PLEKHG4B: variants seen among roughly 807,000 people sequenced by gnomAD.
PLEKHG4B encodes the protein pleckstrin homology domain-containing family G member 4B.
Under a neutral mutation model 121.3 loss-of-function variants are expected in PLEKHG4B, and 111 were observed. The observed-to-expected ratio is 0.92, with a 90% confidence interval of 0.78 to 1.07. PLEKHG4B has a LOEUF of 1.07. PLEKHG4B is among the 50% of genes least tolerant of loss of function. The pLI, the probability that PLEKHG4B is intolerant of heterozygous loss-of-function variation, is 0.00. For missense variants in PLEKHG4B, 1,831 were observed against 1,757.8 expected (o/e 1.04, Z -0.74); for synonymous variants, 738 against 725.0 (o/e 1.02, Z -0.29).
In PLEKHG4B at chr5:182,208, A is replaced by G. The variant is rs150273465; in HGVS notation, c.4769A>G (p.Asp1590Gly). 6.2e-7 allele frequency: 1 copy of G among 1,613,876 alleles called. No individual in the cohort carries two copies. Among genetic ancestry groups the G allele is most frequent in the Non-Finnish European group, 8.5e-7 (1 of 1,180,040 alleles). ...WSPAHSPWSS[D>G]IRACVEEDEP... ...CCTGCCCACAGCCCCTGGTCATCTGATATCAGAGCCTGCGTCGAGGAAGAT... is the reference window on the plus strand; with the variant it reads ...CCTGCCCACAGCCCCTGGTCATCTGGTATCAGAGCCTGCGTCGAGGAAGAT... The change falls in exon 20 of 20, where the codon GAT (aspartate) becomes GGT (glycine). Residue 1590 changes from aspartate to glycine, a missense_variant. By Grantham distance (94) the Asp-to-Gly change is moderately conservative (BLOSUM62 -1). Coordinates refer to ENST00000637938, the MANE Select transcript of PLEKHG4B (RefSeq NM_052909.5).
rs753291921 is a variant in PLEKHG4B at position 143,141 on chromosome 5, A to G, written c.1572A>G (p.Pro524=). 5.6e-6 allele frequency: 9 copies of G among 1,612,528 alleles called. No individual in the cohort carries two copies. The highest frequency in any genetic ancestry group is 6.8e-6 in the Non-Finnish European group (8 of 1,180,008). The part of the protein sequence containing the change: ...SGPSDVPARQ[P]HPEQEGWPPG... The stretch of plus-strand genomic sequence containing the variant: ...CTTCCGATGTGCCTGCCCGGCAGCC[A>G]CACCCCGAGCAAGAAGGGTGGCCAC... The change falls in exon 4 of 20, where the codon CCA becomes CCG. Residue 524 remains proline (P), a synonymous_variant. Transcript: ENST00000637938.
chr5:125,246 G>A (rs1403535989), intron 2 of PLEKHG4B, among the ~76,000 whole-genome samples: 1 of 152,158 alleles, frequency 6.6e-6, no homozygotes, highest in Non-Finnish European at 1.5e-5. Context: ...TGTATGTGCT[G>A]TATAGCTTTT....
chr5:180,182 T>G (rs948504896), intron 18 of PLEKHG4B, among the ~76,000 whole-genome samples: 3 of 152,296 alleles, frequency 2.0e-5, no homozygotes, highest in South Asian at 4.1e-4. Flanking sequence ...CGGGCTGGTG[T>G]CTTCACCTCC....
At chr5:174,158 C>T (rs1391538092) in intron 18 of PLEKHG4B, 60 bp downstream of exon 18, 11 of 237,128 alleles carry the variant, frequency 4.6e-5, no homozygotes, top group Admixed American at 8.7e-5. Context: ...GGGCAGGGGT[C>T]GGGGCTGGGA....
intron 14 of PLEKHG4B, 131 bp downstream of exon 14, chr5:169,723 A>C: frequency 7.3e-7 from 1 of 1,375,292 alleles, no homozygotes; most frequent in South Asian, 1.4e-5. Context: ...GCTGGTCCTG[A>C]CAGGATGTTA....
rs1560887949 is a variant in PLEKHG4B at position 92,430 on chromosome 5, CGGACGCG to C, written c.45+158_45+164del. ...GGTAGGGGTGGGGTGGGGGCGCGAG[CGGACGCG>C]GGAGTAGGGGCGGGTGGGGGCGCCG... On this transcript the variant is annotated intron_variant, in intron 1 of 19. Coordinates refer to ENST00000637938, the MANE Select transcript of PLEKHG4B (RefSeq NM_052909.5). 7.3e-3 allele frequency among the ~76,000 whole-genome samples: 60 copies of C among 8,164 alleles called. 2 individuals carry two copies. The highest frequency in any genetic ancestry group is 0.026 in the African/African-American group (48 of 1,862). The allele number at this position is 8,164 out of a possible 152,430, so 5.4% of individuals were successfully genotyped here. A position where few individuals can be genotyped will look rare whatever the true frequency, so the allele number is the denominator to read the frequency against.
At chr5:173,526 C>T (rs1343469507) in intron 17 of PLEKHG4B, among the ~76,000 whole-genome samples, 1 of 152,148 alleles carries the variant, frequency 6.6e-6, no homozygotes, top group East Asian at 1.9e-4. Flanking sequence ...AGCAGCCTCA[C>T]AGACTCATGC....
intron 13 of PLEKHG4B, among the ~76,000 whole-genome samples, chr5:166,502 C>A (rs62344149): frequency 3.5e-5 from 1 of 28,918 alleles, no homozygotes; most frequent in South Asian, 1.2e-3. Flanking sequence ...TCACAGTAAT[C>A]TTCTGACGGG....
chr5:92,598 C>A (rs1208090962), intron 1 of PLEKHG4B, among the ~76,000 whole-genome samples: 1 of 151,178 alleles, frequency 6.6e-6, no homozygotes, highest in Non-Finnish European at 1.5e-5. Context: ...GGTCCTGGGA[C>A]CTGCCGGCGG....
At chr5:155,547 T>C in intron 9 of PLEKHG4B, 104 bp downstream of exon 9, 2 of 848,286 alleles carry the variant, frequency 2.4e-6, no homozygotes, top group Non-Finnish European at 4.0e-6. Flanking sequence ...CTATCATCTG[T>C]AGCAGAGACC....
At chr5:128,503 T>C (rs1734686093) in intron 2 of PLEKHG4B, among the ~76,000 whole-genome samples, 1 of 151,832 alleles carries the variant, frequency 6.6e-6, no homozygotes, top group African/African-American at 2.4e-5. Flanking sequence ...AGGGGTTTTC[T>C]TTTTTGTTTC....
At chr5:93,441 A>G (rs184705496) in intron 1 of PLEKHG4B, among the ~76,000 whole-genome samples, 10 of 152,062 alleles carry the variant, frequency 6.6e-5, no homozygotes, top group African/African-American at 1.4e-4. Flanking sequence ...TCCATTCCCT[A>G]TGGGATCACA....
In PLEKHG4B at chr5:116,968, G is replaced by A. The variant is rs538044165; in HGVS notation, c.243+3520G>A. Among the ~76,000 whole-genome samples, 16 of 152,312 alleles carry A rather than the reference G, an allele frequency of 1.1e-4. No homozygotes were observed. In the South Asian group the frequency reaches 2.1e-3, roughly 20 times the overall value. ...TGCCTGCTGGAGCCCCACTGCTTTCGCTGCGTCTGAAAACGCGTGGCTGCT... is the reference window on the plus strand; with the variant it reads ...TGCCTGCTGGAGCCCCACTGCTTTCACTGCGTCTGAAAACGCGTGGCTGCT... On this transcript the variant is annotated intron_variant, in intron 2 of 19. Transcript: ENST00000637938.
chr5:157,048 G>A lies in PLEKHG4B; in HGVS notation c.2487+137G>A, dbSNP rs1210446655. The A allele has an allele frequency of 1.7e-6, 2 of 1,203,290 alleles. No individual in the cohort carries two copies. Among genetic ancestry groups the A allele is most frequent in the Admixed American group, 4.1e-5 (2 of 49,370 alleles). The allele number at this position is 1,203,290 out of a possible 1,614,324, so 74.5% of individuals were successfully genotyped here. On this transcript the variant is annotated intron_variant, in intron 11 of 19. Transcript: ENST00000637938. This position sits in a 1 kb window ranked among gnomAD's most constrained non-coding sequence, Gnocchi z 4.6. ...TTTGGAATGAAATTATGTCAGGATAGGGCATGCCTTGCTGCTTGTGTAAAA... is the reference window on the plus strand; with the variant it reads ...TTTGGAATGAAATTATGTCAGGATAAGGCATGCCTTGCTGCTTGTGTAAAA...
In PLEKHG4B at chr5:139,189, G is replaced by T. The variant is rs1013726188; in HGVS notation, c.244-294G>T. Among the ~76,000 whole-genome samples, 14 of 152,208 alleles carry T rather than the reference G, an allele frequency of 9.2e-5. No homozygotes were observed. Among genetic ancestry groups the T allele is most frequent in the African/African-American group, 3.4e-4 (14 of 41,452 alleles). On this transcript the variant is annotated intron_variant, in intron 2 of 19. Coordinates refer to ENST00000637938, the MANE Select transcript of PLEKHG4B (RefSeq NM_052909.5). This position sits in a 1 kb window ranked among gnomAD's most constrained non-coding sequence, Gnocchi z 5.0. ...TCCTTCGGAGCGCCTGGTGGGCTGT[G>T]GCTGTGGCCCTCGAGTGGCCTCCTC...
Position 163,274 on chromosome 5 carries a change from G to C in PLEKHG4B, c.3202G>C (p.Ala1068Pro). The stretch of plus-strand genomic sequence containing the variant: ...TTCCTCTGAGCCCACCCAGACCCTG[G>C]CCAGCCGCCCCAGGAAACATCCCCA... ...ACSSEPTQTL[A>P]SRPRKHPQKK... is the part of the protein sequence containing the mutation. The change falls in exon 13 of 20, where the codon GCC (alanine) becomes CCC (proline). Residue 1068 changes from alanine (A) to proline (P), a missense_variant. Coordinates refer to ENST00000637938, the MANE Select transcript of PLEKHG4B (RefSeq NM_052909.5). 6.2e-7 allele frequency: 1 copy of C among 1,613,010 alleles called. No homozygotes were observed. The highest frequency in any genetic ancestry group is 8.5e-7 in the Non-Finnish European group (1 of 1,179,946).
Position 113,158 on chromosome 5 carries a change from C to T in PLEKHG4B, c.46-93C>T. ...ATGCCAGACACAGGACAAGGGACTT[C>T]CGTGTGGATCCTTCAGTGCCAGCCT... On this transcript the variant is annotated intron_variant, in intron 1 of 19. Coordinates refer to ENST00000637938, the MANE Select transcript of PLEKHG4B (RefSeq NM_052909.5). This position sits in a 1 kb window ranked among gnomAD's most constrained non-coding sequence, Gnocchi z 5.2. 2.5e-6 allele frequency: 1 copy of T among 398,288 alleles called. No individual in the cohort carries two copies. The allele number at this position is 398,288 out of a possible 1,614,324, so 24.7% of individuals were successfully genotyped here. A position where few individuals can be genotyped will look rare whatever the true frequency, so the allele number is the denominator to read the frequency against.
intron 1 of PLEKHG4B, among the ~76,000 whole-genome samples, chr5:102,469 A>T (rs1231557518): frequency 6.6e-6 from 1 of 152,178 alleles, no homozygotes; most frequent in African/African-American, 2.4e-5. Context: ...TTGGTGGGAA[A>T]GTTATCTCAG....
rs1011428332 is a variant in PLEKHG4B, at chr5:157,191, A to G, written c.2487+280A>G. On this transcript the variant is annotated intron_variant, in intron 11 of 19. Coordinates refer to ENST00000637938, the MANE Select transcript of PLEKHG4B (RefSeq NM_052909.5). The surrounding 1 kb of genome is among the most constrained non-coding windows in gnomAD (Gnocchi z 4.6). ...TCACACTGTGCCTTCTGATGCTACCAGTGTGAATAGCTGGGTGTATCTTCC... is the reference window on the plus strand; with the variant it reads ...TCACACTGTGCCTTCTGATGCTACCGGTGTGAATAGCTGGGTGTATCTTCC... 4.4e-6 allele frequency: 2 copies of G among 453,632 alleles called. No individual in the cohort carries two copies. The highest frequency in any genetic ancestry group is 4.0e-5 in the African/African-American group (2 of 50,254). 28.1% of individuals were successfully genotyped at this position (453,632 alleles called of 1,614,324 possible).
Sources: gnomAD v4.1 joint callset for allele counts (sites outside exome capture counted in the v4.1 genomes callset) on GRCh38, gnomAD v4.1.1 for gene constraint, Gnocchi (gnomAD v3.1) non-coding constraint, MANE v1.5 for transcripts, NCBI Gene and HGNC (gene_info 2026-07-23, HGNC 2026-07-21) for gene names.